The following NDUFS1 variants were observed in gnomAD, a reference collection of about 807,000 sequenced individuals.
The protein encoded by NDUFS1 is NADH:ubiquinone oxidoreductase core subunit S1, also known as NADH-ubiquinone oxidoreductase 75 kDa subunit, mitochondrial.
Under a neutral mutation model 84.4 loss-of-function variants are expected in NDUFS1, and 61 were observed. The ratio of observed to expected loss-of-function variants is 0.72; its 90% confidence interval spans 0.59 to 0.89. The LOEUF (loss-of-function observed/expected upper bound fraction) is 0.89, where lower values mean the gene tolerates loss of function less well. Among genes scored for constraint, NDUFS1 ranks in the 40% least tolerant of loss-of-function variants. The pLI is 0.00. For missense variants in NDUFS1, 891 were observed against 890.0 expected (o/e 1.00, Z -0.01); for synonymous variants, 275 against 290.0 (o/e 0.95, Z 0.53).
At position 206,138,548 on chromosome 2, in the gene NDUFS1, G is replaced by A; in HGVS notation, c.1329C>T (p.Asp443=). The A allele has an allele frequency of 3.7e-6, 6 of 1,613,822 alleles. No homozygotes were observed. The highest frequency in any genetic ancestry group is 5.1e-6 in the Non-Finnish European group (6 of 1,179,756). ...GAATTTTGGGGGAGTCTCCCAGGTG[G>A]TCATATGTGTAAGTGAGGTCCACTG... ...GSPVDLTYTY[D]HLGDSPKILQ... The change falls in exon 13 of 19, where the codon GAC becomes GAT. Residue 443 remains aspartate, a synonymous_variant. Transcript: ENST00000233190.
In NDUFS1 at chr2:206,146,899, A is replaced by G. The variant is rs1575984195; in HGVS notation, c.737+4T>C. 1 of 1,612,874 alleles carries G rather than the reference A, an allele frequency of 6.2e-7. No individual in the cohort carries two copies. Among genetic ancestry groups the G allele is most frequent in the Non-Finnish European group, 8.5e-7 (1 of 1,178,948 alleles). ...AAAACAAATTGTCATAAAATAAAAG[A>G]TACCTTGTTTCCCAAGGCCGGGCAG... On this transcript the variant is annotated splice_donor_region_variant and intron_variant, in intron 8 of 18. Transcript: ENST00000233190.
At chr2:206,134,463 G>A (rs969897484) in intron 13 of NDUFS1, among the ~76,000 whole-genome samples, 6 of 151,514 alleles carry the variant, frequency 4.0e-5, no homozygotes, top group African/African-American at 9.7e-5. Context: ...GCAAAACCTC[G>A]TCTCTACAAA....
intron 2 of NDUFS1, 118 bp from the exon 3 acceptor site, chr2:206,152,628 T>C: frequency 1.2e-6 from 1 of 818,726 alleles, no homozygotes; most frequent in African/African-American, 1.7e-5. Context: ...TATTCCTCTG[T>C]ATTGCTCTGG....
rs776296874 is a variant in NDUFS1 at position 206,130,120 on chromosome 2, T to C, written c.1676A>G (p.Asp559Gly). 2.5e-6 allele frequency: 4 copies of C among 1,614,156 alleles called. No homozygotes were observed. Among genetic ancestry groups the C allele is most frequent in the Non-Finnish European group, 3.4e-6 (4 of 1,180,014 alleles). Residue 559 changes from aspartate to glycine, a missense_variant, in exon 15 of 19, where the codon GAT (aspartate) becomes GGT (glycine). By Grantham distance (94) the Asp-to-Gly change is moderately conservative. Coordinates refer to ENST00000233190, the MANE Select transcript of NDUFS1 (RefSeq NM_005006.7). ...AATAATGAAACAATCCTTTGGCAAATCCTGTCGTGTGATACAACCTCCATC... is the reference window on the plus strand; with the variant it reads ...AATAATGAAACAATCCTTTGGCAAACCCTGTCGTGTGATACAACCTCCATC... ...GADGGCITRQ[D>G]LPKDCFIIYQ...
chr2:206,140,561 A>G (rs754600614), intron 12 of NDUFS1, among the ~76,000 whole-genome samples: 14 of 152,032 alleles, frequency 9.2e-5, no homozygotes, highest in Non-Finnish European at 1.9e-4. Flanking sequence ...GCTCACCACA[A>G]CCTTCGCTTC....
rs148987436 is a variant in NDUFS1 at position 206,137,977 on chromosome 2, G to T, written c.1392+508C>A. Among the ~76,000 whole-genome samples the T allele has an allele frequency of 4.3e-3, 650 of 152,216 alleles. 4 individuals are homozygous for T. The highest frequency in any genetic ancestry group is 0.015 in the African/African-American group (615 of 41,530). ...TTTTGTTTGACTATTCATCCATCTT[G>T]CTTTGCTCTCTACATAAATGGAGAG... On this transcript the variant is annotated intron_variant, in intron 13 of 18. Coordinates refer to ENST00000233190, the MANE Select transcript of NDUFS1 (RefSeq NM_005006.7).
Position 206,116,065 on chromosome 2 carries a change from G to C in NDUFS1, c.*8120C>G. 2 of 957,302 alleles carry C rather than the reference G, an allele frequency of 2.1e-6. No homozygotes were observed. Among genetic ancestry groups the C allele is most frequent in the Non-Finnish European group, 3.4e-6 (2 of 581,784 alleles). 59.3% of individuals were successfully genotyped at this position (957,302 alleles called of 1,614,324 possible). A position where few individuals can be genotyped will look rare whatever the true frequency, so the allele number is the denominator to read the frequency against. On this transcript the variant is annotated 3_prime_UTR_variant, in exon 19 of 19. Transcript: ENST00000233190. Reference sequence around the variant, plus strand: ...TCCACCACTAATTTAGGACAACTCTGCTGGGTTGCGTTATTTCATACTAGC... The same window carrying C: ...TCCACCACTAATTTAGGACAACTCTCCTGGGTTGCGTTATTTCATACTAGC...
Position 206,148,941 on chromosome 2 carries a change from T to G in NDUFS1, c.338+79A>C, listed in dbSNP as rs552332812. 2.9e-6 allele frequency: 3 copies of G among 1,029,128 alleles called. No homozygotes were observed. In the South Asian group the frequency reaches 3.9e-5, roughly 13 times the overall value. 63.7% of individuals were successfully genotyped at this position (1,029,128 alleles called of 1,614,324 possible). A position where few individuals can be genotyped will look rare whatever the true frequency, so the allele number is the denominator to read the frequency against. ...TCCGAGTTTGATATTAAATTCTTAA[T>G]CTATGGGAAGGTCTAAATACCAAAA... On this transcript the variant is annotated intron_variant, in intron 5 of 18. Coordinates refer to ENST00000233190, the MANE Select transcript of NDUFS1 (RefSeq NM_005006.7).
At chr2:206,132,502 C>T (rs1002963372) in intron 14 of NDUFS1, among the ~76,000 whole-genome samples, 1 of 151,968 alleles carries the variant, frequency 6.6e-6, no homozygotes, top group Admixed American at 6.6e-5. Flanking sequence ...GTGGGAGGAT[C>T]GCTGGAGCTC....
intron 2 of NDUFS1, 105 bp downstream of exon 2, chr2:206,153,513 T>A: frequency 1.4e-6 from 1 of 739,188 alleles, no homozygotes; most frequent in South Asian, 1.6e-5. Flanking sequence ...ATTTTTATTT[T>A]AAAAAATCAT....
rs1679574272 is a variant in NDUFS1, at chr2:206,120,304, G to A, written c.*3881C>T. 6.6e-6 allele frequency: 1 copy of A among 152,222 alleles called. No homozygotes were observed. Among genetic ancestry groups the A allele is most frequent in the Non-Finnish European group, 1.5e-5 (1 of 68,062 alleles). 9.4% of individuals were successfully genotyped at this position (152,222 alleles called of 1,614,324 possible). The stretch of plus-strand genomic sequence containing the variant: ...GGCACTGCTATACATATTGGAAAAT[G>A]TAGAAACAGCTTTGGAACTGGGTAA... On this transcript the variant is annotated 3_prime_UTR_variant, in exon 19 of 19. Transcript: ENST00000233190.
intron 1 of NDUFS1, among the ~76,000 whole-genome samples, chr2:206,157,044 G>A (rs761714436): frequency 5.9e-5 from 9 of 152,128 alleles, no homozygotes; most frequent in Admixed American, 1.3e-4. Flanking sequence ...TGCAACCTCC[G>A]CCTCCCAAGT....
At chr2:206,129,197 G>A (rs886255258) in intron 15 of NDUFS1, among the ~76,000 whole-genome samples, 1 of 152,078 alleles carries the variant, frequency 6.6e-6, no homozygotes, top group Non-Finnish European at 1.5e-5. Context: ...TATGAAGTAC[G>A]CATATCAAAA....
rs148491633 is a variant in NDUFS1, at chr2:206,126,568, T to A, written c.2063A>T (p.Gln688Leu). 1.9e-6 allele frequency: 3 copies of A among 1,614,158 alleles called. No homozygotes were observed. The highest frequency in any genetic ancestry group is 2.5e-6 in the Non-Finnish European group (3 of 1,180,014). The change falls in exon 18 of 19, where the codon CAG (glutamine) becomes CTG (leucine). Residue 688 changes from glutamine to leucine, a missense_variant. Gln to Leu is a moderately radical substitution (Grantham distance 113). Transcript: ENST00000233190. ...QLLADPLVPP[Q>L]LTIKDFYMTD... ...CATGTAGAAGTCTTTTATAGTTAGC[T>A]GAGGTGGAACAAGTGGGTCAGCAAG...
intron 9 of NDUFS1, 122 bp from the exon 10 acceptor site, chr2:206,144,254 A>G: frequency 5.6e-6 from 4 of 709,760 alleles, no homozygotes; most frequent in Non-Finnish European, 7.5e-6. Flanking sequence ...ATATCTAAAC[A>G]CCTAGATACA....
rs1345339144 is a variant in NDUFS1, at chr2:206,144,058, T to C, written c.947A>G (p.Tyr316Cys). 13 of 1,614,046 alleles carry C rather than the reference T, an allele frequency of 8.1e-6. No individual in the cohort carries two copies. The highest frequency in any genetic ancestry group is 2.2e-5 in the South Asian group (2 of 91,088). ...AGAGAGCGCATCCTCCCAAGAAGTA[T>C]AGGTTAAAAGCCCTTTTTCATTTCT... is the stretch of plus-strand genomic sequence containing the variant. ...MVRNEKGLLT[Y>C]TSWEDALSRV... The change falls in exon 10 of 19, where the codon TAT becomes TGT. Residue 316 changes from tyrosine to cysteine, a missense_variant. By Grantham distance (194) the Tyr-to-Cys change is radical. Coordinates refer to ENST00000233190, the MANE Select transcript of NDUFS1 (RefSeq NM_005006.7).
Position 206,147,664 on chromosome 2 carries a change from T to G in NDUFS1, c.421-3A>C, listed in dbSNP as rs112040144. On this transcript the variant is annotated splice_polypyrimidine_tract_variant and splice_region_variant and intron_variant, in intron 6 of 18. Transcript: ENST00000233190. ...TTTCCAAACATCATGGACTGGTCCTTAAGTAGATTATGAAAGAGTCAATCT... is the reference window on the plus strand; with the variant it reads ...TTTCCAAACATCATGGACTGGTCCTGAAGTAGATTATGAAAGAGTCAATCT... 1 of 1,614,144 alleles carries G rather than the reference T, an allele frequency of 6.2e-7. No homozygotes were observed. The highest frequency in any genetic ancestry group is 2.2e-5 in the East Asian group (1 of 44,874).
chr2:206,147,236 T>C lies in NDUFS1; in HGVS notation c.552-148A>G, dbSNP rs1414165230. 4.5e-6 allele frequency: 4 copies of C among 885,136 alleles called. No individual in the cohort carries two copies. The African/African-American group carries it at 5.0e-5, about 11-fold the overall frequency. The allele number at this position is 885,136 out of a possible 1,614,324, so 54.8% of individuals were successfully genotyped here. Reference sequence around the variant, plus strand: ...AGCACAGTCCTAGAATAAAAAATAATGAAATGTTTGCATTTAATTGAGGTG... The same window carrying C: ...AGCACAGTCCTAGAATAAAAAATAACGAAATGTTTGCATTTAATTGAGGTG... On this transcript the variant is annotated intron_variant, in intron 7 of 18. Coordinates refer to ENST00000233190, the MANE Select transcript of NDUFS1 (RefSeq NM_005006.7).
intron 13 of NDUFS1, among the ~76,000 whole-genome samples, chr2:206,134,513 T>C (rs1691635732): frequency 1.3e-5 from 2 of 150,616 alleles, no homozygotes; most frequent in African/African-American, 4.9e-5. Flanking sequence ...GTGGTCCCAG[T>C]GGTGGCTGCA....
Sources: allele counts gnomAD v4.1 joint callset (sites outside exome capture counted in the v4.1 genomes callset), GRCh38; gene constraint gnomAD v4.1.1; transcripts MANE v1.5; gene names NCBI Gene and HGNC (gene_info 2026-07-23, HGNC 2026-07-21).